The following PCDH15 variants were observed in gnomAD, a reference collection of about 807,000 sequenced individuals.
PCDH15 encodes the protein protocadherin-15.
PCDH15 carries 129 observed loss-of-function variants against 178.5 expected under a neutral mutation model. The observed-to-expected ratio is 0.72, with a 90% confidence interval of 0.63 to 0.84. The LOEUF (loss-of-function observed/expected upper bound fraction) is 0.84. PCDH15 is among the 40% of genes least tolerant of loss of function. PCDH15 has a pLI of 0.00. For missense variants in PCDH15, 2,230 were observed against 2,099.9 expected (o/e 1.06, Z -1.21); for synonymous variants, 800 against 732.0 (o/e 1.09, Z -1.50).
At chr10:54,453,142 A>G (rs2226127) in intron 3 of PCDH15, among the ~76,000 whole-genome samples, 64,773 of 151,718 alleles carry the variant, frequency 0.43, 14,948 homozygotes, top group Middle Eastern at 0.56. Flanking sequence ...TGACCCAGCC[A>G]TCCCATTACT....
intron 3 of PCDH15, among the ~76,000 whole-genome samples, chr10:54,527,061 C>T (rs1344105826): frequency 1.3e-5 from 2 of 152,026 alleles, no homozygotes; most frequent in African/African-American, 4.8e-5. Flanking sequence ...CAAAATGAGC[C>T]ACAGACCACA....
intron 5 of PCDH15, 45 bp downstream of exon 5, chr10:54,369,073 TAC>T: frequency 6.3e-7 from 1 of 1,588,520 alleles, no homozygotes; most frequent in South Asian, 1.1e-5. Flanking sequence ...TATAGTTAGA[TAC>T]ATATATCAAC....
chr10:54,906,711 G>T (rs527712625), intron 2 of PCDH15, among the ~76,000 whole-genome samples: 1 of 152,102 alleles, frequency 6.6e-6, no homozygotes, highest in Admixed American at 6.6e-5. Context: ...GGTAAGAGAG[G>T]TTCATTTATA....
intron 8 of PCDH15, among the ~76,000 whole-genome samples, chr10:54,278,256 A>G (rs751061704): frequency 8.6e-5 from 13 of 151,556 alleles, no homozygotes; most frequent in Non-Finnish European, 1.5e-4. Context: ...GAAGGACTCA[A>G]TTTATACTCA....
chr10:54,889,248 C>T (rs1177240990), intron 3 of PCDH15, among the ~76,000 whole-genome samples: 2 of 151,690 alleles, frequency 1.3e-5, no homozygotes, highest in African/African-American at 4.8e-5. Flanking sequence ...TCATGTATAA[C>T]TTTGTGTACT....
intron 1 of PCDH15, among the ~76,000 whole-genome samples, chr10:55,311,606 T>C (rs1196581540): frequency 6.6e-6 from 1 of 152,166 alleles, no homozygotes; most frequent in African/African-American, 2.4e-5. Context: ...ATTCATGAAA[T>C]AGACCTTTTG....
intron 25 of PCDH15, among the ~76,000 whole-genome samples, chr10:53,933,775 C>G (rs1269779612): frequency 6.8e-6 from 1 of 147,140 alleles, no homozygotes; most frequent in Admixed American, 6.8e-5. Context: ...GTTGAACTAG[C>G]TTACAGTCCC....
rs1461542805 is a variant in PCDH15, at chr10:54,882,748, T to C, written c.-29+14702A>G. 3.9e-5 allele frequency among the ~76,000 whole-genome samples: 6 copies of C among 152,070 alleles called. No homozygotes were observed. In the East Asian group the frequency reaches 1.2e-3, roughly 29 times the overall value. ...ACTTTACAGTCCACAAAAAATACCA[T>C]TCAAAATAGACATGTCTTCTTGCTA... On this transcript the variant is annotated intron_variant, in intron 3 of 5. Transcript: ENST00000458638.
intron 3 of PCDH15, among the ~76,000 whole-genome samples, chr10:54,810,281 T>C (rs943756505): frequency 1.3e-5 from 2 of 152,266 alleles, no homozygotes; most frequent in South Asian, 4.1e-4. Context: ...GTTTTTATTA[T>C]TGTTTATTTT....
intron 23 of PCDH15, among the ~76,000 whole-genome samples, chr10:53,944,711 A>T (rs1327387952): frequency 5.9e-5 from 9 of 152,218 alleles, no homozygotes; most frequent in African/African-American, 2.2e-4. Flanking sequence ...CAGCTTACTG[A>T]TGTAGCTTGA....
At position 53,877,393 on chromosome 10, in the gene PCDH15, G is replaced by C. The variant is rs556950366; in HGVS notation, c.3502-10536C>G. Among the ~76,000 whole-genome samples the C allele has an allele frequency of 8.5e-5, 13 of 152,212 alleles. No individual in the cohort carries two copies. The South Asian group carries it at 2.7e-3, about 32-fold the overall frequency. On this transcript the variant is annotated intron_variant, in intron 26 of 37. Transcript: ENST00000644397. ...CATGTAATTTATGCTTTTTACTTGA[G>C]AGGAAACACTAGTTTAAATGTTGGT...
intron 2 of PCDH15, chr10:55,627,511 G>GA (rs1371068892): frequency 1.3e-5 from 2 of 152,206 alleles, no homozygotes; most frequent in African/African-American, 4.8e-5. Flanking sequence ...ACCTGAATCT[G>GA]AAAAGCGGGG....
intron 5 of PCDH15, among the ~76,000 whole-genome samples, chr10:54,365,508 A>T (rs1589052709): frequency 6.6e-6 from 1 of 152,242 alleles, no homozygotes; most frequent in East Asian, 1.9e-4. Context: ...CCAGACATAT[A>T]TAAGCTCTAT....
At chr10:55,541,723 T>C (rs1275223916) in intron 2 of PCDH15, among the ~76,000 whole-genome samples, 3 of 151,896 alleles carry the variant, frequency 2.0e-5, no homozygotes, top group East Asian at 1.9e-4. Flanking sequence ...AAGAAGCAAA[T>C]TGACACTATT....
At chr10:54,759,502 G>C (rs1352088647) in intron 1 of PCDH15, among the ~76,000 whole-genome samples, 1 of 152,026 alleles carries the variant, frequency 6.6e-6, no homozygotes, top group Non-Finnish European at 1.5e-5. Flanking sequence ...TCTCTCTCTT[G>C]ATATAGAAAC....
intron 3 of PCDH15, among the ~76,000 whole-genome samples, chr10:54,441,371 T>A (rs2075780684): frequency 6.6e-6 from 1 of 152,086 alleles, no homozygotes; most frequent in Non-Finnish European, 1.5e-5. Flanking sequence ...AGAACTACTA[T>A]TAAACCCTGT....
intron 26 of PCDH15, among the ~76,000 whole-genome samples, chr10:53,888,343 T>TATGTACGTACATAC (rs2081289899): frequency 1.4e-5 from 1 of 69,212 alleles, no homozygotes. Context: ...TACGTATATA[T>TATGTACGTACATAC]ATATACGTAT....
chr10:55,371,946 A>T (rs915945572), intron 2 of PCDH15, among the ~76,000 whole-genome samples: 2 of 152,180 alleles, frequency 1.3e-5, no homozygotes, highest in African/African-American at 4.8e-5. Flanking sequence ...AAGATTTTTT[A>T]AAGTCCAAGG....
At chr10:54,976,934 G>A (rs957468950) in intron 2 of PCDH15, among the ~76,000 whole-genome samples, 5 of 152,266 alleles carry the variant, frequency 3.3e-5, no homozygotes, top group Admixed American at 6.5e-5. Flanking sequence ...GATAAAGAAA[G>A]CCAGCCTGTG....
Sources: gnomAD v4.1 joint callset for allele counts (sites outside exome capture counted in the v4.1 genomes callset) on GRCh38, gnomAD v4.1.1 for gene constraint, MANE v1.5 for transcripts, NCBI Gene and HGNC (gene_info 2026-07-23, HGNC 2026-07-21) for gene names.